The following DPP6 variants were observed in gnomAD, a reference collection of about 807,000 sequenced individuals.
DPP6 encodes the protein A-type potassium channel modulatory protein DPP6.
DPP6 carries 69 observed loss-of-function variants against 122.6 expected under a neutral mutation model. That is an observed-to-expected ratio of 0.56 (90% CI 0.46 to 0.69). The LOEUF (loss-of-function observed/expected upper bound fraction) is 0.69. Ranked by LOEUF, DPP6 falls within the 30% of genes least tolerant of loss-of-function variation. The pLI is 0.00. For missense variants in DPP6, 928 were observed against 1,116.9 expected (o/e 0.83, Z 2.41); for synonymous variants, 418 against 433.1 (o/e 0.97, Z 0.43).
At chr7:154,053,339 C>T (rs931151159) in intron 1 of DPP6, among the ~76,000 whole-genome samples, 2 of 152,130 alleles carry the variant, frequency 1.3e-5, no homozygotes, top group South Asian at 4.1e-4. Context: ...TGGAATTCGC[C>T]TTACGTTCCC....
intron 7 of DPP6, among the ~76,000 whole-genome samples, chr7:154,708,343 G>T (rs1840950596): frequency 6.6e-6 from 1 of 152,176 alleles, no homozygotes; most frequent in Admixed American, 6.5e-5. Flanking sequence ...CTTTTGATAG[G>T]ATTTGCCGAC....
At chr7:154,174,494 T>C (rs930203282) in intron 1 of DPP6, among the ~76,000 whole-genome samples, 2 of 152,210 alleles carry the variant, frequency 1.3e-5, no homozygotes, top group South Asian at 2.1e-4. Flanking sequence ...ATCCTTGGAA[T>C]TGATACATAC....
chr7:154,695,662 C>T (rs1840175569), intron 7 of DPP6, among the ~76,000 whole-genome samples: 2 of 152,102 alleles, frequency 1.3e-5, no homozygotes, highest in Non-Finnish European at 2.9e-5. Flanking sequence ...GCAGAGCAGG[C>T]AAGGTCATCA....
chr7:154,228,025 A>G (rs951394241), intron 1 of DPP6, among the ~76,000 whole-genome samples: 5 of 152,214 alleles, frequency 3.3e-5, no homozygotes, highest in African/African-American at 9.7e-5. Context: ...ATTATTTTTC[A>G]TTATTCCACT....
At chr7:154,417,370 A>C (rs1817115605) in intron 1 of DPP6, among the ~76,000 whole-genome samples, 1 of 152,224 alleles carries the variant, frequency 6.6e-6, no homozygotes, top group Non-Finnish European at 1.5e-5. Context: ...TCCACGTACC[A>C]AGCACTGGAG....
At chr7:154,598,333 T>G (rs1833225626) in intron 5 of DPP6, among the ~76,000 whole-genome samples, 1 of 152,234 alleles carries the variant, frequency 6.6e-6, no homozygotes, top group African/African-American at 2.4e-5. Flanking sequence ...AATTACTGTT[T>G]GAAACAGTCT....
At chr7:154,410,007 T>G (rs972204951) in intron 1 of DPP6, among the ~76,000 whole-genome samples, 1 of 152,242 alleles carries the variant, frequency 6.6e-6, no homozygotes, top group African/African-American at 2.4e-5. Flanking sequence ...ACAGTCATTC[T>G]CTGTTCTTTT....
At chr7:153,842,652 G>A in the DPP6 span, among the ~76,000 whole-genome samples, 5 of 152,098 alleles carry the variant, frequency 3.3e-5, no homozygotes, top group South Asian at 1.0e-3. Flanking sequence ...GTGGTAAGAA[G>A]GATGAGATAG....
chr7:154,060,218 C>T (rs1160925538), intron 1 of DPP6, among the ~76,000 whole-genome samples: 4 of 144,960 alleles, frequency 2.8e-5, no homozygotes, highest in South Asian at 2.2e-4. Flanking sequence ...GCCCCTCTTC[C>T]CCCCTTTGCT....
At chr7:153,887,416 C>T (rs1268390048) in exon 1 of DPP6, 2 of 387,304 alleles carry the variant, frequency 5.2e-6, no homozygotes, top group Non-Finnish European at 9.5e-6. Flanking sequence ...TTGTTTAAAG[C>T]AACACCCACC....
At chr7:154,394,275 T>A (rs552533814) in intron 1 of DPP6, among the ~76,000 whole-genome samples, 183 of 152,306 alleles carry the variant, frequency 1.2e-3, no homozygotes, top group African/African-American at 4.1e-3. Context: ...TTGTTTGTTT[T>A]TAACAGTAGC....
chr7:153,942,139 C>T (rs903741626), intron 1 of DPP6, among the ~76,000 whole-genome samples: 5 of 152,204 alleles, frequency 3.3e-5, no homozygotes, highest in African/African-American at 7.2e-5. Context: ...GTGCATGTTT[C>T]GATTAAAAAG....
intron 1 of DPP6, among the ~76,000 whole-genome samples, chr7:154,371,106 G>A (rs1812615490): frequency 6.6e-6 from 1 of 152,126 alleles, no homozygotes; most frequent in African/African-American, 2.4e-5. Flanking sequence ...GGCCGGGCAT[G>A]GTGGTTCACA....
chr7:154,308,035 G>A (rs1806516121), intron 1 of DPP6, among the ~76,000 whole-genome samples: 1 of 152,148 alleles, frequency 6.6e-6, no homozygotes, highest in African/African-American at 2.4e-5. Context: ...CATCTTGTGA[G>A]GCATTAACCA....
chr7:154,388,190 C>T (rs1024726917), intron 1 of DPP6, among the ~76,000 whole-genome samples: 16 of 152,110 alleles, frequency 1.1e-4, no homozygotes, highest in Non-Finnish European at 4.4e-5. Context: ...GTAGTCCCAG[C>T]TACTTGGGAG....
chr7:154,170,220 ATCCAGGGCTGTTAG>A (rs1289093859), intron 1 of DPP6, among the ~76,000 whole-genome samples: 1 of 152,154 alleles, frequency 6.6e-6, no homozygotes, highest in Non-Finnish European at 1.5e-5. Context: ...GCCCAGCTCC[ATCCAGGGCTGTTAG>A]CCCATCCTAA....
At chr7:154,333,418 G>A (rs926581286) in intron 1 of DPP6, among the ~76,000 whole-genome samples, 12 of 152,220 alleles carry the variant, frequency 7.9e-5, no homozygotes, top group South Asian at 2.1e-4. Flanking sequence ...ACAGTTACTC[G>A]TCTGTAATTC....
chr7:154,209,790 GC>G lies in DPP6; in HGVS notation c.243+156729del, dbSNP rs1299767757. 2.0e-5 allele frequency among the ~76,000 whole-genome samples: 3 copies of G among 152,146 alleles called. No individual in the cohort carries two copies. In the East Asian group the frequency reaches 5.8e-4, roughly 29 times the overall value. ...AGTCATCATTGTGTTGCTAATACTT[GC>G]CATCGGTTCAAGAATAGGAATATTA... On this transcript the variant is annotated intron_variant, in intron 1 of 25. Coordinates refer to ENST00000377770, the MANE Select transcript of DPP6 (RefSeq NM_130797.4).
chr7:154,367,518 G>A (rs1442293692), intron 1 of DPP6, among the ~76,000 whole-genome samples: 1 of 152,028 alleles, frequency 6.6e-6, no homozygotes, highest in Non-Finnish European at 1.5e-5. Context: ...ACCAACACCT[G>A]GTGTATGTTC....
Sources: allele counts gnomAD v4.1 joint callset (sites outside exome capture counted in the v4.1 genomes callset), GRCh38; gene constraint gnomAD v4.1.1; transcripts MANE v1.5; gene names NCBI Gene and HGNC (gene_info 2026-07-23, HGNC 2026-07-21).